Variants in GUCY1A1 observed in about 807,000 individuals in gnomAD.
GUCY1A1 encodes the protein guanylate cyclase soluble subunit alpha-1.
A neutral mutation model predicts 64.5 loss-of-function variants in GUCY1A1; 48 were observed. The observed-to-expected ratio is 0.74, with a 90% CI of 0.59 to 0.95. The LOEUF (loss-of-function observed/expected upper bound fraction) is 0.95, where lower values mean the gene tolerates loss of function less well. GUCY1A1 is among the 40% of genes least tolerant of loss of function. The probability of loss-of-function intolerance (pLI) is 0.00; values close to 1 mark genes in which losing one functional copy is unlikely to be tolerated. For missense variants in GUCY1A1, 804 were observed against 825.3 expected (o/e 0.97, Z 0.32); for synonymous variants, 308 against 303.4 (o/e 1.02, Z -0.16).
chr4:155,711,361 G>A (rs1326759996), intron 6 of GUCY1A1, 110 bp downstream of exon 6: 2 of 587,652 alleles, frequency 3.4e-6, no homozygotes, highest in East Asian at 2.8e-5. Flanking sequence ...TAAAACATAT[G>A]TAAAACAATG....
At chr4:155,705,749 CAT>C (rs1242592348) in intron 4 of GUCY1A1, among the ~76,000 whole-genome samples, 1 of 152,130 alleles carries the variant, frequency 6.6e-6, no homozygotes, top group African/African-American at 2.4e-5. Flanking sequence ...CTCTGTGGAT[CAT>C]ATGTGCTTGA....
At chr4:155,713,070 C>T in intron 6 of GUCY1A1, 28 bp from the exon 7 acceptor site, 1 of 1,566,042 alleles carries the variant, frequency 6.4e-7, no homozygotes, top group Non-Finnish European at 8.7e-7. Context: ...CTTGAATAAA[C>T]CACAATTGGT....
chr4:155,676,994 AC>A (rs1735040533), intron 2 of GUCY1A1, among the ~76,000 whole-genome samples: 2 of 151,458 alleles, frequency 1.3e-5, no homozygotes, highest in Admixed American at 1.3e-4. Context: ...TCATGACATC[AC>A]ACTGAACTGA....
chr4:155,673,648 G>A (rs1164651246), intron 2 of GUCY1A1, among the ~76,000 whole-genome samples: 1 of 151,420 alleles, frequency 6.6e-6, no homozygotes. Context: ...GCATGTGTGT[G>A]TTTGATGTGT....
intron 9 of GUCY1A1, among the ~76,000 whole-genome samples, chr4:155,722,968 C>T (rs987633559): frequency 2.0e-5 from 3 of 152,026 alleles, no homozygotes; most frequent in African/African-American, 7.2e-5. Flanking sequence ...GAATCATTGG[C>T]CATGTGATTG....
intron 8 of GUCY1A1, among the ~76,000 whole-genome samples, chr4:155,720,676 G>A (rs1420874765): frequency 6.6e-6 from 1 of 152,048 alleles, no homozygotes; most frequent in Non-Finnish European, 1.5e-5. Flanking sequence ...AAATGAGTCT[G>A]GAAAGTTTCT....
intron 8 of GUCY1A1, 68 bp downstream of exon 8, chr4:155,717,370 C>T: frequency 7.7e-6 from 9 of 1,166,300 alleles, no homozygotes; most frequent in Middle Eastern, 2.3e-4. Flanking sequence ...TTACCAAAAC[C>T]ATGGTGTATC....
At position 155,695,571 on chromosome 4, in the gene GUCY1A1, A is replaced by G. The variant is rs1730306019; in HGVS notation, c.-112-1185A>G. Among the ~76,000 whole-genome samples, 4 of 152,184 alleles carry G rather than the reference A, an allele frequency of 2.6e-5. No individual in the cohort carries two copies. In the South Asian group the frequency reaches 8.3e-4, roughly 32 times the overall value. ...TAGTAATATTAGTTTGGAGTTATAG[A>G]AAACACATTGGCTTTGGAGTCAGCT... On this transcript the variant is annotated intron_variant, in intron 2 of 9. Transcript: ENST00000506455.
intron 2 of GUCY1A1, among the ~76,000 whole-genome samples, chr4:155,685,451 G>T (rs2126644972): frequency 6.6e-6 from 1 of 152,160 alleles, no homozygotes; most frequent in African/African-American, 2.4e-5. Context: ...AGAAATTTAG[G>T]TCTCATATAA....
At chr4:155,677,467 C>G (rs1012094183) in intron 2 of GUCY1A1, among the ~76,000 whole-genome samples, 1 of 152,186 alleles carries the variant, frequency 6.6e-6, no homozygotes, top group African/African-American at 2.4e-5. Flanking sequence ...TAGCTATAAG[C>G]TCACAATGGC....
At chr4:155,668,797 G>T (rs575072290) in intron 2 of GUCY1A1, among the ~76,000 whole-genome samples, 2 of 152,264 alleles carry the variant, frequency 1.3e-5, no homozygotes, top group East Asian at 3.9e-4. Context: ...TGGTCTGAAA[G>T]TTATACATAT....
intron 5 of GUCY1A1, among the ~76,000 whole-genome samples, chr4:155,710,157 A>G (rs1335799203): frequency 9.8e-5 from 15 of 152,320 alleles, no homozygotes; most frequent in Non-Finnish European, 4.4e-5. Context: ...GGAAACCCTC[A>G]TAGAGGAAGA....
At chr4:155,691,225 T>C (rs1047630155) in intron 2 of GUCY1A1, among the ~76,000 whole-genome samples, 5 of 152,044 alleles carry the variant, frequency 3.3e-5, no homozygotes, top group Admixed American at 3.3e-4. Context: ...AAAGGGAGAA[T>C]GGTAGTGCTA....
rs184506012 is a variant in GUCY1A1 at position 155,734,385 on chromosome 4, G to A, written c.*4154G>A. On this transcript the variant is annotated 3_prime_UTR_variant, in exon 10 of 10. Transcript: ENST00000506455. ...GTCGCCCAAAGCAGAATGGGTTAAC[G>A]AATTACTGCAGTGGTTTTAGGTGCA... The A allele has an allele frequency of 4.7e-4, 71 of 152,032 alleles. No individual in the cohort carries two copies. The highest frequency in any genetic ancestry group is 4.5e-3 in the Admixed American group (69 of 15,240). The allele number at this position is 152,032 out of a possible 1,614,324, so 9.4% of individuals were successfully genotyped here. A position where few individuals can be genotyped will look rare whatever the true frequency, so the allele number is the denominator to read the frequency against.
At chr4:155,700,144 G>T (rs1437507541) in intron 3 of GUCY1A1, among the ~76,000 whole-genome samples, 2 of 151,964 alleles carry the variant, frequency 1.3e-5, no homozygotes, top group Admixed American at 1.3e-4. Context: ...AATTCTGTAA[G>T]CTCCTTCAGG....
intron 4 of GUCY1A1, among the ~76,000 whole-genome samples, 163 bp from the exon 5 acceptor site, chr4:155,708,073 G>A (rs1164471542): frequency 6.6e-6 from 1 of 152,156 alleles, no homozygotes; most frequent in African/African-American, 2.4e-5. Context: ...TCCTGACCTT[G>A]TGATCCACCC....
intron 9 of GUCY1A1, among the ~76,000 whole-genome samples, chr4:155,723,254 G>A (rs750637340): frequency 5.9e-5 from 9 of 152,140 alleles, no homozygotes; most frequent in African/African-American, 9.7e-5. Flanking sequence ...AAAACTAGCT[G>A]GTCATCGAGC....
chr4:155,670,859 G>C (rs144963855), intron 2 of GUCY1A1, among the ~76,000 whole-genome samples: 1 of 152,236 alleles, frequency 6.6e-6, no homozygotes, highest in African/African-American at 2.4e-5. Context: ...GCAGGAAGTC[G>C]ACACGAGACA....
chr4:155,691,536 G>A lies in GUCY1A1; in HGVS notation c.-112-5220G>A, dbSNP rs546323446. On this transcript the variant is annotated intron_variant, in intron 2 of 9. Coordinates refer to ENST00000506455, the MANE Select transcript of GUCY1A1 (RefSeq NM_001130682.3). Reference sequence around the variant, plus strand: ...TTTATGAAAATAGTTGTTACAATTTGTACTGAAGTATACAAACTTTATCCT... The same window carrying A: ...TTTATGAAAATAGTTGTTACAATTTATACTGAAGTATACAAACTTTATCCT... 3.3e-5 allele frequency among the ~76,000 whole-genome samples: 5 copies of A among 152,242 alleles called. No individual in the cohort carries two copies. The South Asian group carries it at 6.2e-4, about 19-fold the overall frequency.
Sources: gnomAD v4.1 joint callset for allele counts (sites outside exome capture counted in the v4.1 genomes callset) on GRCh38, gnomAD v4.1.1 for gene constraint, MANE v1.5 for transcripts, NCBI Gene and HGNC (gene_info 2026-07-23, HGNC 2026-07-21) for gene names.